The following ZBTB20 variants were observed in gnomAD, a reference collection of about 807,000 sequenced individuals.
ZBTB20 encodes zinc finger and BTB domain-containing protein 20.
In ZBTB20, 9 loss-of-function variants were observed where a neutral mutation model predicts 56.9. That is an observed-to-expected ratio of 0.16 (90% CI 0.10 to 0.28). The LOEUF is 0.28. Among genes scored for constraint, ZBTB20 ranks in the 10% least tolerant of loss-of-function variants. The pLI is 1.00. For missense variants in ZBTB20, 655 were observed against 1,003.0 expected, an observed-to-expected ratio of 0.65 and a Z score of 4.69; for synonymous variants, 417 against 420.7, an observed-to-expected ratio of 0.99 and a Z score of 0.11.
At chr3:114,648,595 C>T (rs959602322) in intron 6 of ZBTB20, among the ~76,000 whole-genome samples, 1 of 151,780 alleles carries the variant, frequency 6.6e-6, no homozygotes, top group East Asian at 1.9e-4. Flanking sequence ...AAGGCTACCC[C>T]CTAAAAGATA....
chr3:115,143,133 A>T (rs1167434231), intron 1 of ZBTB20, among the ~76,000 whole-genome samples: 1 of 152,212 alleles, frequency 6.6e-6, no homozygotes, highest in East Asian at 1.9e-4. Context: ...TTAACCAGGT[A>T]CCAACTTTCC....
chr3:114,648,511 T>C (rs542402450), intron 6 of ZBTB20, among the ~76,000 whole-genome samples: 6 of 152,068 alleles, frequency 3.9e-5, no homozygotes, highest in African/African-American at 2.4e-5. Context: ...TTAGAAAGTG[T>C]CATTCATAAA....
chr3:114,733,380 T>C (rs530428642), intron 5 of ZBTB20, among the ~76,000 whole-genome samples: 1 of 152,316 alleles, frequency 6.6e-6, no homozygotes, highest in South Asian at 2.1e-4. Flanking sequence ...CAAGTTTTTC[T>C]AGTTCCGGTT....
chr3:114,856,624 CAA>C (rs199774623), intron 4 of ZBTB20, among the ~76,000 whole-genome samples: 1 of 150,534 alleles, frequency 6.6e-6, no homozygotes, highest in Non-Finnish European at 1.5e-5. Flanking sequence ...AAGGTTCTTA[CAA>C]AAAAAAAGTA....
At chr3:114,895,851 A>G (rs1189552425) in intron 4 of ZBTB20, among the ~76,000 whole-genome samples, 1 of 152,164 alleles carries the variant, frequency 6.6e-6, no homozygotes, top group Non-Finnish European at 1.5e-5. Flanking sequence ...ATACATAGGA[A>G]AGCTTGAGGC....
chr3:115,051,244 T>C (rs1356454091), intron 2 of ZBTB20, among the ~76,000 whole-genome samples: 1 of 152,016 alleles, frequency 6.6e-6, no homozygotes, highest in Non-Finnish European at 1.5e-5. Flanking sequence ...GCAGACACAA[T>C]TCCGTTTTCA....
Position 114,966,995 on chromosome 3 carries a change from C to T in ZBTB20, c.-456+7371G>A, listed in dbSNP as rs76559597. On this transcript the variant is annotated intron_variant, in intron 3 of 11. Transcript: ENST00000675478. ...CAGTGCTGTTGCCTAAATTAACTTT[C>T]TGTTATGAAACACATCACGCTAGTT... Among the ~76,000 whole-genome samples the T allele has an allele frequency of 5.2e-3, 791 of 152,222 alleles. 9 individuals are homozygous for T. Among genetic ancestry groups the T allele is most frequent in the African/African-American group, 0.018 (732 of 41,542 alleles).
intron 3 of ZBTB20, among the ~76,000 whole-genome samples, chr3:114,968,358 C>A (rs77610898): frequency 0.023 from 3,563 of 152,224 alleles, 182 homozygotes; most frequent in East Asian, 0.17. Flanking sequence ...CCTTAAAAAA[C>A]TGATTATTTG....
chr3:114,544,407 T>TTC (rs1257611709), intron 6 of ZBTB20, among the ~76,000 whole-genome samples: 5 of 2,248 alleles, frequency 2.2e-3, no homozygotes, highest in African/African-American at 9.4e-3. Flanking sequence ...ACTAGATTTC[T>TTC]TCTTTCTTTC....
At chr3:114,947,914 C>T (rs1184855475) in intron 3 of ZBTB20, among the ~76,000 whole-genome samples, 1 of 145,540 alleles carries the variant, frequency 6.9e-6, no homozygotes, top group Non-Finnish European at 1.5e-5. Flanking sequence ...TCATATACAA[C>T]TCTTCCAAGG....
intron 6 of ZBTB20, among the ~76,000 whole-genome samples, chr3:114,620,745 C>G (rs556561801): frequency 1.3e-5 from 2 of 152,286 alleles, no homozygotes; most frequent in African/African-American, 4.8e-5. Context: ...AACACAAAAC[C>G]TGCCCTCTAA....
intron 5 of ZBTB20, among the ~76,000 whole-genome samples, chr3:114,775,987 C>G (rs2069575530): frequency 6.6e-6 from 1 of 150,556 alleles, no homozygotes; most frequent in Non-Finnish European, 1.5e-5. Flanking sequence ...CCTGTAAAAT[C>G]TTGATGCCTG....
intron 2 of ZBTB20, among the ~76,000 whole-genome samples, chr3:115,059,593 A>G (rs2081944164): frequency 6.6e-6 from 1 of 152,162 alleles, no homozygotes. Flanking sequence ...TTCAGCATTC[A>G]ATAGGCTCAA....
At chr3:114,955,106 T>G (rs2077202022) in intron 3 of ZBTB20, among the ~76,000 whole-genome samples, 1 of 152,140 alleles carries the variant, frequency 6.6e-6, no homozygotes, top group Non-Finnish European at 1.5e-5. Context: ...CCCTGAAAGT[T>G]GGAGATCAAG....
intron 6 of ZBTB20, among the ~76,000 whole-genome samples, chr3:114,644,760 T>C (rs2059750185): frequency 6.6e-6 from 1 of 152,100 alleles, no homozygotes; most frequent in Admixed American, 6.6e-5. Context: ...ATGGACTAAA[T>C]CTGCATATGC....
chr3:114,566,787 T>A (rs759366477), intron 6 of ZBTB20, among the ~76,000 whole-genome samples: 5 of 152,222 alleles, frequency 3.3e-5, no homozygotes, highest in Non-Finnish European at 5.9e-5. Flanking sequence ...TGTATCACTT[T>A]AATGTAGTAG....
chr3:114,999,568 G>T (rs986106954), intron 2 of ZBTB20, among the ~76,000 whole-genome samples: 3 of 150,984 alleles, frequency 2.0e-5, no homozygotes, highest in Non-Finnish European at 4.4e-5. Flanking sequence ...ATTTATATTC[G>T]ATACCAATAT....
In ZBTB20 at chr3:114,478,725, G is replaced by A. The variant is rs148292663; in HGVS notation, c.-255+21627C>T. ...TGTGTGAGAGTAAGACATAGACCCC[G>A]GAAGTCTGAATTTGGAAAAACCCTG... On this transcript the variant is annotated intron_variant, in intron 7 of 11. Transcript: ENST00000675478. 6.6e-4 allele frequency among the ~76,000 whole-genome samples: 101 copies of A among 152,162 alleles called. 1 individual carries two copies. The highest frequency in any genetic ancestry group is 2.3e-3 in the African/African-American group (95 of 41,502).
At chr3:114,461,607 T>C (rs2092334495) in intron 7 of ZBTB20, among the ~76,000 whole-genome samples, 1 of 152,184 alleles carries the variant, frequency 6.6e-6, no homozygotes, top group East Asian at 1.9e-4. Context: ...GCCCAGCCCC[T>C]ATCCAAACTT....
Sources: allele counts gnomAD v4.1 joint callset (sites outside exome capture counted in the v4.1 genomes callset), GRCh38; gene constraint gnomAD v4.1.1; transcripts MANE v1.5; gene names NCBI Gene and HGNC (gene_info 2026-07-23, HGNC 2026-07-21).